VWA3B: variants seen among roughly 807,000 people sequenced by gnomAD.
VWA3B encodes von Willebrand factor A domain containing 3B.
In VWA3B, 138 loss-of-function variants were observed where a neutral mutation model predicts 158.3. That is an observed-to-expected ratio of 0.87 (90% confidence interval 0.76 to 1.00). The LOEUF is 1.00. VWA3B is among the 50% of genes least tolerant of loss of function. The probability of loss-of-function intolerance (pLI) is 0.00; values close to 1 mark genes in which losing one functional copy is unlikely to be tolerated. For synonymous variants in VWA3B, 596 were observed against 587.3 expected (o/e 1.01, Z -0.21); for missense variants, 1,555 against 1,565.1 (o/e 0.99, Z 0.11).
chr2:98,162,775 G>A (rs547365553), intron 7 of VWA3B, 76 bp from the exon 8 acceptor site: 124 of 1,570,146 alleles, frequency 7.9e-5, no homozygotes, highest in African/African-American at 4.5e-4. Context: ...GCTGCAATGC[G>A]TCAGGCCTGC....
intron 16 of VWA3B, among the ~76,000 whole-genome samples, chr2:98,234,142 C>A (rs1685515848): frequency 6.6e-6 from 1 of 152,192 alleles, no homozygotes; most frequent in East Asian, 1.9e-4. Flanking sequence ...CTCTCATGAC[C>A]AGGTTATGCT....
chr2:98,282,531 A>G (rs1688944830), intron 22 of VWA3B, among the ~76,000 whole-genome samples: 1 of 143,718 alleles, frequency 7.0e-6, no homozygotes, highest in Admixed American at 7.5e-5. Context: ...TCCGCCTTCC[A>G]GGTTTAAGTA....
At chr2:98,135,338 T>C (rs996795957) in intron 7 of VWA3B, among the ~76,000 whole-genome samples, 18 of 128,626 alleles carry the variant, frequency 1.4e-4, no homozygotes, top group African/African-American at 4.5e-4. Flanking sequence ...TTTTTTTTTT[T>C]TTTTTTTTTT....
chr2:98,195,706 A>T (rs1373341998), intron 12 of VWA3B, among the ~76,000 whole-genome samples: 1 of 152,142 alleles, frequency 6.6e-6, no homozygotes, highest in African/African-American at 2.4e-5. Context: ...TAAAAACATC[A>T]TTGGGTTCTG....
At chr2:98,282,295 C>T (rs545904575) in intron 22 of VWA3B, among the ~76,000 whole-genome samples, 1 of 151,218 alleles carries the variant, frequency 6.6e-6, no homozygotes, top group East Asian at 1.9e-4. Flanking sequence ...ACTGACTGTG[C>T]CATGATGCAA....
At chr2:98,308,577 T>C (rs1234850108) in intron 26 of VWA3B, among the ~76,000 whole-genome samples, 1 of 151,934 alleles carries the variant, frequency 6.6e-6, no homozygotes, top group Non-Finnish European at 1.5e-5. Flanking sequence ...ACAGACCAAG[T>C]CCTTCCCTGG....
At chr2:98,275,331 G>C (rs1272864568) in intron 22 of VWA3B, among the ~76,000 whole-genome samples, 2 of 152,216 alleles carry the variant, frequency 1.3e-5, no homozygotes, top group Admixed American at 6.5e-5. Context: ...ACAGGTGAGA[G>C]AGGCCAATAA....
chr2:98,285,852 T>C lies in VWA3B; in HGVS notation c.3046-4659T>C, dbSNP rs544803762. Among the ~76,000 whole-genome samples the C allele has an allele frequency of 3.3e-4, 50 of 152,188 alleles. No individual in the cohort carries two copies. In the South Asian group the frequency reaches 5.4e-3, roughly 16 times the overall value. On this transcript the variant is annotated intron_variant, in intron 22 of 27. Coordinates refer to ENST00000477737, the MANE Select transcript of VWA3B (RefSeq NM_144992.5). The stretch of plus-strand genomic sequence containing the variant: ...GGATTTTAATATAAATTATAATGTC[T>C]ATATATCAGTTTAGGAACAAATGAC...
chr2:98,303,801 G>A lies in VWA3B; in HGVS notation c.3520G>A (p.Val1174Ile). ...ACCCCCAATTCCTGAGGATCCAGAA[G>A]TGTAAGTGTACTCAACTTTTATCTC... ...KSPPIPEDPE[V>I]EDVEARNSAF... The change falls in exon 26 of 28, where the codon GTA (valine) becomes ATA (isoleucine). Residue 1174 changes from valine (V) to isoleucine (I), a missense_variant and splice_region_variant. Transcript: ENST00000477737. The A allele has an allele frequency of 6.2e-7, 1 of 1,613,848 alleles. No individual in the cohort carries two copies. The highest frequency in any genetic ancestry group is 8.5e-7 in the Non-Finnish European group (1 of 1,179,750).
At chr2:98,101,117 G>C (rs1683049465) in intron 2 of VWA3B, among the ~76,000 whole-genome samples, 1 of 152,206 alleles carries the variant, frequency 6.6e-6, no homozygotes, top group African/African-American at 2.4e-5. Flanking sequence ...GGAGGCCACT[G>C]ATTAAAACAA....
In VWA3B at chr2:98,192,981, A is replaced by G; in HGVS notation, c.1550A>G (p.His517Arg). ...DCIYILIDTSHSMKSKLDLVK... is the reference protein window; with the variant it reads ...DCIYILIDTSRSMKSKLDLVK... ...ATCTACATTCTCATTGACACGTCTCACTCAATGAAGAGCAAACTGGACTTG... is the reference window on the plus strand; with the variant it reads ...ATCTACATTCTCATTGACACGTCTCGCTCAATGAAGAGCAAACTGGACTTG... The change falls in exon 11 of 28, where the codon CAC becomes CGC. Residue 517 changes from histidine (H) to arginine (R), a missense_variant. By Grantham distance (29) the His-to-Arg change is conservative. Coordinates refer to ENST00000477737, the MANE Select transcript of VWA3B (RefSeq NM_144992.5). The G allele has an allele frequency of 6.2e-7, 1 of 1,614,156 alleles. No homozygotes were observed. The highest frequency in any genetic ancestry group is 8.5e-7 in the Non-Finnish European group (1 of 1,180,004).
chr2:98,248,992 G>A (rs1686622768), intron 19 of VWA3B, among the ~76,000 whole-genome samples: 2 of 151,074 alleles, frequency 1.3e-5, no homozygotes, highest in Admixed American at 1.3e-4. Context: ...TCATTTTGGA[G>A]GCAAGAGGAA....
At chr2:98,145,406 G>A (rs529650384) in intron 7 of VWA3B, among the ~76,000 whole-genome samples, 13 of 152,290 alleles carry the variant, frequency 8.5e-5, no homozygotes, top group Admixed American at 3.9e-4. Flanking sequence ...TGGAGAAACC[G>A]AAACAGAAGG....
chr2:98,252,884 C>T (rs1333345232), intron 20 of VWA3B, among the ~76,000 whole-genome samples: 11 of 152,046 alleles, frequency 7.2e-5, no homozygotes, highest in Non-Finnish European at 2.9e-5. Flanking sequence ...TTTTAGTACC[C>T]TCTAGAGAAA....
Position 98,270,339 on chromosome 2 carries a change from G to T in VWA3B, c.2844-343G>T, listed in dbSNP as rs532350975. On this transcript the variant is annotated intron_variant, in intron 21 of 27. Transcript: ENST00000477737. The stretch of plus-strand genomic sequence containing the variant: ...TGAAATCTCTTTGAAGCCCATGTTT[G>T]GTTCTGCCAGATGTCAGGCTCCAAA... Among the ~76,000 whole-genome samples, 4 of 152,194 alleles carry T rather than the reference G, an allele frequency of 2.6e-5. No individual in the cohort carries two copies. The South Asian group carries it at 8.3e-4, about 32-fold the overall frequency.
chr2:98,296,159 T>G (rs1479368843), intron 23 of VWA3B, among the ~76,000 whole-genome samples: 1 of 152,222 alleles, frequency 6.6e-6, no homozygotes, highest in African/African-American at 2.4e-5. Context: ...AACTGCCTAG[T>G]AGGCTTGATA....
intron 1 of VWA3B, among the ~76,000 whole-genome samples, chr2:98,092,055 C>T (rs1204269364): frequency 2.0e-5 from 3 of 152,200 alleles, no homozygotes; most frequent in Non-Finnish European, 4.4e-5. Flanking sequence ...CTACATGGGC[C>T]AGAATGCTTA....
At chr2:98,277,376 T>A in intron 22 of VWA3B, among the ~76,000 whole-genome samples, 1 of 152,156 alleles carries the variant, frequency 6.6e-6, no homozygotes, top group Non-Finnish European at 1.5e-5. Context: ...TTATAATTAA[T>A]CCTCCCTGGG....
intron 23 of VWA3B, 188 bp downstream of exon 23, chr2:98,290,810 C>CA (rs1689449807): frequency 2.0e-6 from 1 of 489,014 alleles, no homozygotes. Flanking sequence ...TTGGGCCCCC[C>CA]AAAAAAGTAG....
Sources: allele counts gnomAD v4.1 joint callset (sites outside exome capture counted in the v4.1 genomes callset), GRCh38; gene constraint gnomAD v4.1.1; transcripts MANE v1.5; gene names NCBI Gene and HGNC (gene_info 2026-07-23, HGNC 2026-07-21).